The following EIF4G3 variants were observed in gnomAD, a reference collection of about 807,000 sequenced individuals.
EIF4G3 encodes eukaryotic translation initiation factor 4 gamma 3.
In EIF4G3, 34 loss-of-function variants were observed where a neutral mutation model predicts 186.4. The observed-to-expected ratio is 0.18, with a 90% CI of 0.14 to 0.24. The LOEUF (loss-of-function observed/expected upper bound fraction) is 0.24. Among genes scored for constraint, EIF4G3 ranks in the 10% least tolerant of loss-of-function variants. The pLI, the probability that EIF4G3 is intolerant of heterozygous loss-of-function variation, is 1.00. For missense variants in EIF4G3, 1,536 were observed against 1,948.5 expected (o/e 0.79, Z 3.99); for synonymous variants, 673 against 679.5 (o/e 0.99, Z 0.15).
intron 7 of EIF4G3, among the ~76,000 whole-genome samples, chr1:20,993,125 C>T (rs943232294): frequency 6.6e-6 from 1 of 152,122 alleles, no homozygotes; most frequent in Non-Finnish European, 1.5e-5. Context: ...CCTTATTAAT[C>T]TGAAGAATCT....
At chr1:20,917,521 C>T (rs11583010) in intron 14 of EIF4G3, among the ~76,000 whole-genome samples, 3,421 of 152,018 alleles carry the variant, frequency 0.023, 69 homozygotes, top group Non-Finnish European at 0.031. Flanking sequence ...AGAAGCCAGA[C>T]AAAAAACAGT....
chr1:21,110,371 C>A (rs1354534272), intron 2 of EIF4G3, among the ~76,000 whole-genome samples: 1 of 151,986 alleles, frequency 6.6e-6, no homozygotes, highest in East Asian at 1.9e-4. Flanking sequence ...TCGCGGCTCA[C>A]TGCAACCTCC....
chr1:20,874,712 T>C (rs1448477085), intron 20 of EIF4G3, among the ~76,000 whole-genome samples: 1 of 152,242 alleles, frequency 6.6e-6, no homozygotes, highest in Admixed American at 6.5e-5. Context: ...AGATTATAAA[T>C]TTTAACAGTC....
At chr1:21,160,185 A>C (rs1430339397) in intron 2 of EIF4G3, among the ~76,000 whole-genome samples, 1 of 152,200 alleles carries the variant, frequency 6.6e-6, no homozygotes, top group Non-Finnish European at 1.5e-5. Context: ...GGCCAAAGCT[A>C]GAACAATCTG....
rs887958891 is a variant in EIF4G3, at chr1:20,892,836, G to A, written c.2253+681C>T. ...ACAGGAATCTTATCAAGGTTGGCTC[G>A]CTCTGTATATATATTTTTTCAGAGA... On this transcript the variant is annotated intron_variant, in intron 18 of 36. Transcript: ENST00000602326. 7.4e-5 allele frequency: 54 copies of A among 730,092 alleles called. 2 individuals carry two copies. The South Asian group carries it at 8.9e-4, about 12-fold the overall frequency. The allele number at this position is 730,092 out of a possible 1,614,324, so 45.2% of individuals were successfully genotyped here. A position where few individuals can be genotyped will look rare whatever the true frequency, so the allele number is the denominator to read the frequency against.
intron 35 of EIF4G3, among the ~76,000 whole-genome samples, chr1:20,812,602 G>T (rs1004262268): frequency 6.6e-6 from 1 of 152,076 alleles, no homozygotes; most frequent in Admixed American, 6.6e-5. Flanking sequence ...ATTGAATAAT[G>T]TTAAACATTG....
intron 17 of EIF4G3, 44 bp from the exon 18 acceptor site, chr1:20,893,680 A>G: frequency 6.9e-7 from 1 of 1,445,700 alleles, no homozygotes; most frequent in East Asian, 2.5e-5. Context: ...GTTCCAGAGC[A>G]TTCCCTGCCA....
At chr1:20,926,130 A>G (rs1454242934) in intron 14 of EIF4G3, among the ~76,000 whole-genome samples, 3 of 152,242 alleles carry the variant, frequency 2.0e-5, no homozygotes. Context: ...GCTGAAGTCT[A>G]AGATTTATTT....
rs368127240 is a variant in EIF4G3 at position 21,147,342 on chromosome 1, T to A, written c.-272+28833A>T. Among the ~76,000 whole-genome samples the A allele has an allele frequency of 4.6e-5, 7 of 152,220 alleles. No homozygotes were observed. In the East Asian group the frequency reaches 1.2e-3, roughly 25 times the overall value. Reference sequence around the variant, plus strand: ...TTTTGCTAAGTTTGTTTGTTTTTTGTTTGTTTTTTTTCTTCTGAGACAGAG... The same window carrying A: ...TTTTGCTAAGTTTGTTTGTTTTTTGATTGTTTTTTTTCTTCTGAGACAGAG... On this transcript the variant is annotated intron_variant, in intron 2 of 36. Transcript: ENST00000602326.
intron 4 of EIF4G3, among the ~76,000 whole-genome samples, chr1:21,027,595 A>G (rs2092304467): frequency 6.6e-6 from 1 of 151,966 alleles, no homozygotes; most frequent in Non-Finnish European, 1.5e-5. Flanking sequence ...GCCCCACTGC[A>G]CTTCAACTTG....
At chr1:21,107,580 T>C (rs2096639927) in intron 2 of EIF4G3, among the ~76,000 whole-genome samples, 1 of 152,252 alleles carries the variant, frequency 6.6e-6, no homozygotes, top group African/African-American at 2.4e-5. Flanking sequence ...AAGTTAGCTA[T>C]AATCTTAATA....
At position 20,912,598 on chromosome 1, in the gene EIF4G3, C is replaced by A. The variant is rs116687372; in HGVS notation, c.1664-7627G>T. Among the ~76,000 whole-genome samples the A allele has an allele frequency of 7.1e-3, 1,082 of 152,308 alleles. 9 individuals carry two copies. The highest frequency in any genetic ancestry group is 0.01 in the Non-Finnish European group (682 of 68,036). ...CACTTCACTAATGCTCAGGGAACAG[C>A]CCCGGTGCATTGCCACAGAGTTGTG... On this transcript the variant is annotated intron_variant, in intron 14 of 36. Transcript: ENST00000602326.
rs574523932 is a variant in EIF4G3 at position 21,018,990 on chromosome 1, G to T, written c.-66-16182C>A. Among the ~76,000 whole-genome samples the T allele has an allele frequency of 5.9e-5, 9 of 151,524 alleles. No homozygotes were observed. The East Asian group carries it at 1.6e-3, about 26-fold the overall frequency. ...CCTTTATAGCAAATGATCTCAGAAA[G>T]ATGGTAAATTTTGTGTATTTTACCA... On this transcript the variant is annotated intron_variant, in intron 4 of 36. Coordinates refer to ENST00000602326, the MANE Select transcript of EIF4G3 (RefSeq NM_001391906.1).
At chr1:21,072,707 T>A (rs550202017) in intron 3 of EIF4G3, among the ~76,000 whole-genome samples, 2 of 152,240 alleles carry the variant, frequency 1.3e-5, no homozygotes, top group Non-Finnish European at 2.9e-5. Flanking sequence ...TAGCCTTTAA[T>A]ATTTTTTAAA....
intron 4 of EIF4G3, among the ~76,000 whole-genome samples, chr1:21,021,650 G>C (rs1278637620): frequency 6.6e-6 from 1 of 152,072 alleles, no homozygotes; most frequent in Non-Finnish European, 1.5e-5. Context: ...CTGCCTCCTG[G>C]GTTCAAGCGA....
intron 29 of EIF4G3, among the ~76,000 whole-genome samples, chr1:20,845,297 T>C (rs1408166672): frequency 1.3e-5 from 2 of 152,182 alleles, no homozygotes; most frequent in African/African-American, 4.8e-5. Context: ...GGGTTCTCTA[T>C]TCCGTTCCAC....
At chr1:21,048,728 G>A (rs941216043) in intron 4 of EIF4G3, among the ~76,000 whole-genome samples, 4 of 152,060 alleles carry the variant, frequency 2.6e-5, no homozygotes, top group African/African-American at 9.7e-5. Context: ...AAGTTCTGAG[G>A]GTGGATTTTC....
At chr1:21,109,697 G>A (rs1236289619) in intron 2 of EIF4G3, among the ~76,000 whole-genome samples, 1 of 152,164 alleles carries the variant, frequency 6.6e-6, no homozygotes, top group East Asian at 1.9e-4. Flanking sequence ...GCATCTGAAT[G>A]TAGCAGTTCC....
At chr1:20,862,096 C>T (rs2076496293) in intron 23 of EIF4G3, 132 bp downstream of exon 23, 3 of 540,618 alleles carry the variant, frequency 5.5e-6, no homozygotes, top group South Asian at 3.3e-5. Flanking sequence ...GGAAAGTTTG[C>T]CAATCCAAAT....
Sources: gnomAD v4.1 joint callset for allele counts (sites outside exome capture counted in the v4.1 genomes callset) on GRCh38, gnomAD v4.1.1 for gene constraint, MANE v1.5 for transcripts, NCBI Gene and HGNC (gene_info 2026-07-23, HGNC 2026-07-21) for gene names.